ORC2: variants seen among roughly 807,000 people sequenced by gnomAD.
The protein encoded by ORC2 is origin recognition complex subunit 2, also known as origin recognition complex protein 2 homolog.
A neutral mutation model predicts 77.7 loss-of-function variants in ORC2; 37 were observed. That is an observed-to-expected ratio of 0.48 (90% CI 0.37 to 0.63). ORC2 has a LOEUF of 0.63. Among genes scored for constraint, ORC2 ranks in the 20% least tolerant of loss-of-function variants. The pLI is 0.00. For synonymous variants in ORC2, 201 were observed against 229.5 expected, an observed-to-expected ratio of 0.88 and a Z score of 1.12; for missense variants, 557 against 661.9, an observed-to-expected ratio of 0.84 and a Z score of 1.74.
Position 200,957,933 on chromosome 2 carries a change from G to A in ORC2, c.94+97C>T, listed in dbSNP as rs16836210. 1,697 of 747,658 alleles carry A rather than the reference G, an allele frequency of 2.3e-3. 13 individuals are homozygous for A. The African/African-American group carries it at 0.025, about 11-fold the overall frequency. 46.3% of individuals were successfully genotyped at this position (747,658 alleles called of 1,614,324 possible). A position where few individuals can be genotyped will look rare whatever the true frequency, so the allele number is the denominator to read the frequency against. On this transcript the variant is annotated intron_variant, in intron 3 of 17. Coordinates refer to ENST00000234296, the MANE Select transcript of ORC2 (RefSeq NM_006190.5). ...TTTACTAACCAGATCAATCCTTTGCGCTATATTTTCAAAAGAAAATGTTAA... is the reference window on the plus strand; with the variant it reads ...TTTACTAACCAGATCAATCCTTTGCACTATATTTTCAAAAGAAAATGTTAA...
chr2:200,938,899 C>T (rs769300506), intron 7 of ORC2, among the ~76,000 whole-genome samples: 9 of 151,952 alleles, frequency 5.9e-5, no homozygotes, highest in African/African-American at 2.2e-4. Context: ...ATTAGCCGGG[C>T]GTGCTGGTGC....
At chr2:200,954,389 C>T (rs1178581022) in intron 4 of ORC2, among the ~76,000 whole-genome samples, 1 of 152,080 alleles carries the variant, frequency 6.6e-6, no homozygotes, top group East Asian at 1.9e-4. Flanking sequence ...TCTGTATAAA[C>T]TTTAGGAGGA....
Position 200,910,435 on chromosome 2 carries a change from GCTACTCAC to G in ORC2, c.*858_*865del, listed in dbSNP as rs2040531284. 2 of 152,142 alleles carry G rather than the reference GCTACTCAC, an allele frequency of 1.3e-5. No homozygotes were observed. Among genetic ancestry groups the G allele is most frequent in the South Asian group, 4.1e-4 (2 of 4,832 alleles). The allele number at this position is 152,142 out of a possible 1,614,324, so 9.4% of individuals were successfully genotyped here. ...TTAATTTACAGCCAGCCATTAATATGCTACTCACCTGCATGTTGTTCAAGAAAAGAAAA... is the reference window on the plus strand; with the variant it reads ...TTAATTTACAGCCAGCCATTAATATGCTGCATGTTGTTCAAGAAAAGAAAA... On this transcript the variant is annotated 3_prime_UTR_variant, in exon 18 of 18. Coordinates refer to ENST00000234296, the MANE Select transcript of ORC2 (RefSeq NM_006190.5).
chr2:200,928,658 A>G (rs1337806888), intron 11 of ORC2, among the ~76,000 whole-genome samples: 2 of 150,714 alleles, frequency 1.3e-5, no homozygotes, highest in Non-Finnish European at 3.0e-5. Flanking sequence ...CTAAAAATAC[A>G]AAAAAATTAG....
At chr2:200,916,195 G>C (rs140877552) in intron 15 of ORC2, among the ~76,000 whole-genome samples, 64 of 152,220 alleles carry the variant, frequency 4.2e-4, no homozygotes, top group African/African-American at 1.3e-3. Context: ...AAAAATACTT[G>C]CATTAGACTG....
At chr2:200,927,413 G>T (rs937777728) in intron 11 of ORC2, among the ~76,000 whole-genome samples, 2 of 151,424 alleles carry the variant, frequency 1.3e-5, no homozygotes, top group African/African-American at 4.8e-5. Context: ...AAAAAAATTA[G>T]GTCAGGTGCG....
At chr2:200,911,706 C>T (rs969362949) in intron 17 of ORC2, among the ~76,000 whole-genome samples, 1 of 152,106 alleles carries the variant, frequency 6.6e-6, no homozygotes, top group Non-Finnish European at 1.5e-5. Context: ...TTTCTTCCTC[C>T]TTTCAACAAG....
intron 4 of ORC2, among the ~76,000 whole-genome samples, chr2:200,956,091 AG>A (rs370667809): frequency 9.2e-4 from 140 of 152,302 alleles, no homozygotes; most frequent in African/African-American, 3.0e-3. Flanking sequence ...GTTTTGACCT[AG>A]GGTCTCGCTT....
intron 15 of ORC2, among the ~76,000 whole-genome samples, chr2:200,914,959 AC>A (rs2040616326): frequency 6.8e-6 from 1 of 148,126 alleles, no homozygotes; most frequent in Non-Finnish European, 1.5e-5. Context: ...TACTGCATAT[AC>A]CACTTTATAC....
At chr2:200,923,374 G>A (rs2040789813) in intron 13 of ORC2, among the ~76,000 whole-genome samples, 3 of 151,862 alleles carry the variant, frequency 2.0e-5, no homozygotes, top group Admixed American at 6.6e-5. Flanking sequence ...TCAGCCTCCC[G>A]ACTAGCTGGG....
intron 11 of ORC2, among the ~76,000 whole-genome samples, chr2:200,927,334 T>C (rs1299333299): frequency 6.6e-6 from 1 of 151,914 alleles, no homozygotes; most frequent in Admixed American, 6.6e-5. Flanking sequence ...TCCACCCACC[T>C]TGGCCCCCAA....
rs1457180278 is a variant in ORC2, at chr2:200,942,709, T to A, written c.397A>T (p.Ile133Leu). 1.2e-6 allele frequency: 2 copies of A among 1,607,284 alleles called. No individual in the cohort carries two copies. The highest frequency in any genetic ancestry group is 1.7e-6 in the Non-Finnish European group (2 of 1,176,092). The change falls in exon 6 of 18, where the codon ATA becomes TTA. Residue 133 changes from isoleucine to leucine, a missense_variant. Coordinates refer to ENST00000234296, the MANE Select transcript of ORC2 (RefSeq NM_006190.5). ...CCCTTGCTACTTTGAGGAACGTTTA[T>A]CGTAATCTCAGGATCATTCTTCAAA... ...FSLKNDPEITINVPQSSKGHS... is the reference protein window; with the variant it reads ...FSLKNDPEITLNVPQSSKGHS...
At chr2:200,934,557 GGCCTCAA>G (rs1289180817) in intron 9 of ORC2, among the ~76,000 whole-genome samples, 1 of 146,350 alleles carries the variant, frequency 6.8e-6, no homozygotes, top group Non-Finnish European at 1.5e-5. Flanking sequence ...TCAAACTCCT[GGCCTCAA>G]GCAATCCTCC....
At chr2:200,943,155 CA>C (rs899837711) in intron 5 of ORC2, 1 of 156,338 alleles carries the variant, frequency 6.4e-6, no homozygotes, top group Non-Finnish European at 1.4e-5. Flanking sequence ...GATCTAAAAT[CA>C]AGTGAAAACT....
intron 1 of ORC2, 135 bp downstream of exon 1, chr2:200,963,355 G>C (rs1377486021): frequency 1.0e-5 from 4 of 397,920 alleles, no homozygotes; most frequent in Non-Finnish European, 1.8e-5. Flanking sequence ...AGTGCCGAGG[G>C]AAAGTCCTGA....
intron 4 of ORC2, among the ~76,000 whole-genome samples, chr2:200,951,333 C>G (rs551756805): frequency 1.3e-5 from 2 of 151,942 alleles, no homozygotes; most frequent in South Asian, 2.1e-4. Flanking sequence ...AAAGGTCCAC[C>G]TGCAGGTTTT....
chr2:200,912,585 CTCTT>C (rs2040570288), intron 17 of ORC2, among the ~76,000 whole-genome samples: 1 of 151,884 alleles, frequency 6.6e-6, no homozygotes. Context: ...CCACAACCAG[CTCTT>C]TTTTTTTTTT....
Position 200,921,047 on chromosome 2 carries a change from A to C in ORC2, c.1240T>G (p.Ser414Ala). ...KSQQIIGQLS[S>A]LHNIYLIASI... is the part of the protein sequence containing the mutation. ...GCTATAAGGTAAATGTTATGCAAAG[A>C]TGACAACTGACCAATGATTTGCTGG... Residue 414 changes from serine (S) to alanine (A), a missense_variant, in exon 14 of 18, where the codon TCT becomes GCT. Coordinates refer to ENST00000234296, the MANE Select transcript of ORC2 (RefSeq NM_006190.5). 6.2e-7 allele frequency: 1 copy of C among 1,609,538 alleles called. No homozygotes were observed. Among genetic ancestry groups the C allele is most frequent in the Non-Finnish European group, 8.5e-7 (1 of 1,177,030 alleles).
chr2:200,932,659 ATTCATGGAAAACTGCACT>A, intron 10 of ORC2, among the ~76,000 whole-genome samples: 1 of 152,220 alleles, frequency 6.6e-6, no homozygotes, highest in East Asian at 1.9e-4. Context: ...TTTAATTAAT[ATTCATGGAAAACTGCACT>A]TTCGACCCCA....
Sources: gnomAD v4.1 joint callset for allele counts (sites outside exome capture counted in the v4.1 genomes callset) on GRCh38, gnomAD v4.1.1 for gene constraint, MANE v1.5 for transcripts, NCBI Gene and HGNC (gene_info 2026-07-23, HGNC 2026-07-21) for gene names.